Variants in ATP8B4 observed in about 807,000 individuals in gnomAD.
The protein encoded by ATP8B4 is ATPase phospholipid transporting 8B4 (putative).
In ATP8B4, 133 loss-of-function variants were observed where a neutral mutation model predicts 145.6. The ratio of observed to expected loss-of-function variants is 0.91; its 90% confidence interval spans 0.79 to 1.05. ATP8B4 has a LOEUF of 1.05. Among genes scored for constraint, ATP8B4 ranks in the 50% least tolerant of loss-of-function variants. The pLI is 0.00. For missense variants in ATP8B4, 1,458 were observed against 1,425.2 expected, an observed-to-expected ratio of 1.02 and a Z score of -0.37; for synonymous variants, 507 against 492.9, an observed-to-expected ratio of 1.03 and a Z score of -0.38.
intron 2 of ATP8B4, among the ~76,000 whole-genome samples, chr15:50,106,133 G>T (rs2056667144): frequency 6.6e-6 from 1 of 152,172 alleles, no homozygotes; most frequent in African/African-American, 2.4e-5. Context: ...GCAGAAGTAG[G>T]TTAACCACCT....
At chr15:49,970,845 G>A (rs972052620) in intron 13 of ATP8B4, among the ~76,000 whole-genome samples, 2 of 152,096 alleles carry the variant, frequency 1.3e-5, no homozygotes, top group Non-Finnish European at 2.9e-5. Context: ...CAAAGCTGGA[G>A]GCATTACACT....
Position 49,860,428 on chromosome 15 carries a change from G to A in ATP8B4, c.3345C>T (p.Ser1115=), listed in dbSNP as rs1475274864. ...KAQKKARPPS[S]RRPRTRRSSS... ...TTGACCTGCGGGTCCGAGGCCTTCG[G>A]CTACTTGGAGGCCTTGCCTTCTTTT... The change falls in exon 28 of 28, where the codon AGC becomes AGT. Residue 1115 remains serine, a synonymous_variant. Coordinates refer to ENST00000284509, the MANE Select transcript of ATP8B4 (RefSeq NM_024837.4). The A allele has an allele frequency of 6.2e-7, 1 of 1,613,874 alleles. No homozygotes were observed. Among genetic ancestry groups the A allele is most frequent in the African/African-American group, 1.3e-5 (1 of 75,016 alleles).
intron 7 of ATP8B4, chr15:50,009,820 C>G: frequency 2.8e-6 from 1 of 362,480 alleles, no homozygotes; most frequent in South Asian, 2.1e-5. Context: ...CTGCCGACAC[C>G]TTTGTGTTTA....
intron 3 of ATP8B4, among the ~76,000 whole-genome samples, chr15:50,056,977 C>T (rs1434449309): frequency 2.0e-5 from 3 of 152,050 alleles, no homozygotes; most frequent in African/African-American, 4.8e-5. Context: ...CCTCCCACCT[C>T]GGCCTCTCAC....
At chr15:49,870,856 T>C (rs1432571217) in intron 25 of ATP8B4, among the ~76,000 whole-genome samples, 1 of 152,248 alleles carries the variant, frequency 6.6e-6, no homozygotes. Context: ...TGGGAGTCTA[T>C]ATATTCCTCA....
intron 12 of ATP8B4, 33 bp downstream of exon 12, chr15:49,979,584 A>G (rs2045978425): frequency 1.4e-6 from 2 of 1,379,942 alleles, no homozygotes; most frequent in African/African-American, 2.9e-5. Flanking sequence ...TTTTGATGAA[A>G]TTATTTCATT....
chr15:50,049,583 G>A (rs1030425504), intron 3 of ATP8B4, among the ~76,000 whole-genome samples: 3 of 152,138 alleles, frequency 2.0e-5, no homozygotes, highest in Non-Finnish European at 4.4e-5. Context: ...CCATGTCTTT[G>A]CTATTGTAAA....
intron 7 of ATP8B4, among the ~76,000 whole-genome samples, chr15:50,010,577 T>C (rs2048657036): frequency 6.6e-6 from 1 of 152,088 alleles, no homozygotes; most frequent in South Asian, 2.1e-4. Context: ...TATTGGCTAA[T>C]GTAAAATCTT....
intron 17 of ATP8B4, among the ~76,000 whole-genome samples, chr15:49,920,626 G>A (rs1461855834): frequency 1.3e-5 from 2 of 152,194 alleles, no homozygotes; most frequent in Non-Finnish European, 2.9e-5. Context: ...AACATGCAGG[G>A]GAGCAAGTCT....
intron 8 of ATP8B4, among the ~76,000 whole-genome samples, chr15:50,001,932 G>A (rs1300104995): frequency 6.6e-6 from 1 of 152,034 alleles, no homozygotes; most frequent in Non-Finnish European, 1.5e-5. Context: ...TCTGTGTAAA[G>A]TTATTCCTGT....
chr15:49,987,531 A>T lies in ATP8B4; in HGVS notation c.608T>A (p.Val203Glu). 2 of 1,613,290 alleles carry T rather than the reference A, an allele frequency of 1.2e-6. No homozygotes were observed. Among genetic ancestry groups the T allele is most frequent in the Non-Finnish European group, 1.7e-6 (2 of 1,179,626 alleles). ...GAATTTATCTAACTTGTTGTTAGGC[A>T]CCTCACAGACAACAATCCCTGGAAA... ...AGFDGIVVCEVPNNKLDKFMG... is the reference protein window; with the variant it reads ...AGFDGIVVCEEPNNKLDKFMG... The change falls in exon 10 of 28, where the codon GTG (valine) becomes GAG (glutamate). Residue 203 changes from valine (V) to glutamate (E), a missense_variant. Val to Glu is a moderately radical substitution (Grantham distance 121). Transcript: ENST00000284509.
chr15:49,974,499 G>A (rs971324162), intron 12 of ATP8B4, among the ~76,000 whole-genome samples: 29 of 151,676 alleles, frequency 1.9e-4, no homozygotes, highest in Non-Finnish European at 4.1e-4. Context: ...GAGTAGCTGG[G>A]ACTGCATGCA....
At chr15:49,887,219 G>GA (rs1294573613) in intron 23 of ATP8B4, among the ~76,000 whole-genome samples, 1 of 151,888 alleles carries the variant, frequency 6.6e-6, no homozygotes, top group Non-Finnish European at 1.5e-5. Flanking sequence ...GTGGTCCTTA[G>GA]ATCCCCTTGG....
intron 23 of ATP8B4, chr15:49,883,527 C>G (rs553917552): frequency 3.3e-5 from 5 of 152,310 alleles, no homozygotes; most frequent in African/African-American, 1.2e-4. Flanking sequence ...TACTAAACAT[C>G]TACTCTGTGC....
intron 20 of ATP8B4, 83 bp downstream of exon 20, chr15:49,916,851 C>CT (rs1178478880): frequency 1.4e-5 from 18 of 1,301,614 alleles, no homozygotes; most frequent in Non-Finnish European, 1.9e-5. Context: ...TATAGCATAG[C>CT]TTTTCACTTT....
Position 49,860,183 on chromosome 15 carries a change from T to C in ATP8B4, c.*11A>G. 1.3e-6 allele frequency: 2 copies of C among 1,598,402 alleles called. No homozygotes were observed. The highest frequency in any genetic ancestry group is 2.2e-5 in the East Asian group (1 of 44,662). Reference sequence around the variant, plus strand: ...TGAAAAGATAACTACGTGGTTTAAATTCATATTGACTCACAGTTTCACTGT... The same window carrying C: ...TGAAAAGATAACTACGTGGTTTAAACTCATATTGACTCACAGTTTCACTGT... On this transcript the variant is annotated 3_prime_UTR_variant, in exon 28 of 28. Coordinates refer to ENST00000284509, the MANE Select transcript of ATP8B4 (RefSeq NM_024837.4).
At chr15:49,991,695 GGATTT>G in intron 9 of ATP8B4, among the ~76,000 whole-genome samples, 1 of 152,104 alleles carries the variant, frequency 6.6e-6, no homozygotes, top group African/African-American at 2.4e-5. Flanking sequence ...TCAAATAAAT[GGATTT>G]ACCTGCCAAA....
intron 1 of ATP8B4, among the ~76,000 whole-genome samples, chr15:50,135,366 T>C (rs1401830145): frequency 6.6e-6 from 1 of 152,158 alleles, no homozygotes; most frequent in African/African-American, 2.4e-5. Flanking sequence ...CTTTAACCAC[T>C]CCACCATCAC....
intron 13 of ATP8B4, among the ~76,000 whole-genome samples, chr15:49,971,972 G>A (rs966620854): frequency 6.6e-6 from 1 of 152,154 alleles, no homozygotes; most frequent in African/African-American, 2.4e-5. Context: ...GTCCTTTGCA[G>A]AGACATGGGT....
Sources: gnomAD v4.1 joint callset for allele counts (sites outside exome capture counted in the v4.1 genomes callset) on GRCh38, gnomAD v4.1.1 for gene constraint, MANE v1.5 for transcripts, NCBI Gene and HGNC (gene_info 2026-07-23, HGNC 2026-07-21) for gene names.